SLC10A7: variants seen among roughly 807,000 people sequenced by gnomAD.
The protein encoded by SLC10A7 is sodium/bile acid cotransporter 7.
In SLC10A7, 29 loss-of-function variants were observed where a neutral mutation model predicts 43.2. The ratio of observed to expected loss-of-function variants is 0.67; its 90% CI spans 0.50 to 0.92. SLC10A7 has a LOEUF of 0.92. Among genes scored for constraint, SLC10A7 ranks in the 40% least tolerant of loss-of-function variants. The pLI is 0.00. For synonymous variants in SLC10A7, 152 were observed against 144.8 expected (o/e 1.05, Z -0.35); for missense variants, 295 against 403.2 (o/e 0.73, Z 2.30).
chr4:146,519,095 ATATATATATATATATAT>A (rs1560991559), intron 1 of SLC10A7, among the ~76,000 whole-genome samples: 19,975 of 109,888 alleles, frequency 0.18, 3,359 homozygotes, highest in East Asian at 0.52. Flanking sequence ...ATATATATAT[ATATATATATATATATAT>A]AATATAATAT....
At chr4:146,421,127 A>C (rs552324554) in intron 5 of SLC10A7, among the ~76,000 whole-genome samples, 2 of 152,226 alleles carry the variant, frequency 1.3e-5, no homozygotes, top group African/African-American at 4.8e-5. Context: ...ATGCTTGCTA[A>C]TGGGCCACTC....
chr4:146,313,516 CAGAT>C (rs1245544249), intron 6 of SLC10A7, among the ~76,000 whole-genome samples: 1 of 152,098 alleles, frequency 6.6e-6, no homozygotes, highest in Non-Finnish European at 1.5e-5. Context: ...CTGAGACAAT[CAGAT>C]GGCTAGTTTT....
chr4:146,378,346 TTAAA>T (rs1159597958), intron 5 of SLC10A7, among the ~76,000 whole-genome samples: 1 of 152,170 alleles, frequency 6.6e-6, no homozygotes. Flanking sequence ...TGTTCTGGTC[TTAAA>T]TAAAAAACAT....
At chr4:146,494,277 C>G (rs924832052) in intron 4 of SLC10A7, among the ~76,000 whole-genome samples, 3 of 152,216 alleles carry the variant, frequency 2.0e-5, no homozygotes, top group Admixed American at 2.0e-4. Context: ...AGGAATTAAG[C>G]ACATGCTTTG....
chr4:146,286,434 A>G (rs75681793), intron 9 of SLC10A7, among the ~76,000 whole-genome samples: 1 of 97,428 alleles, frequency 1.0e-5, no homozygotes, highest in Non-Finnish European at 2.1e-5. Context: ...AGTGGTGAGA[A>G]GGACTCTGGA....
At chr4:146,421,130 GGC>G (rs1241405432) in intron 5 of SLC10A7, among the ~76,000 whole-genome samples, 3 of 151,842 alleles carry the variant, frequency 2.0e-5, no homozygotes, top group Non-Finnish European at 4.4e-5. Context: ...CTTGCTAATG[GGC>G]CACTCTGCTA....
At chr4:146,328,594 A>G (rs1178735165) in intron 5 of SLC10A7, among the ~76,000 whole-genome samples, 1 of 152,140 alleles carries the variant, frequency 6.6e-6, no homozygotes, top group Admixed American at 6.5e-5. Flanking sequence ...AGGCCTGAGG[A>G]TAGGTCCACT....
intron 5 of SLC10A7, among the ~76,000 whole-genome samples, chr4:146,438,907 C>T (rs1730402958): frequency 1.3e-5 from 2 of 151,874 alleles, no homozygotes. Context: ...ATGTGAGTTG[C>T]CTGAATTTGA....
intron 5 of SLC10A7, among the ~76,000 whole-genome samples, chr4:146,374,847 G>A (rs183466915): frequency 4.7e-4 from 72 of 152,244 alleles, no homozygotes; most frequent in Admixed American, 4.6e-3. Flanking sequence ...AAAAAGTACT[G>A]TATTATCATT....
At chr4:146,409,078 T>C (rs1727944601) in intron 5 of SLC10A7, among the ~76,000 whole-genome samples, 1 of 152,164 alleles carries the variant, frequency 6.6e-6, no homozygotes, top group Admixed American at 6.5e-5. Flanking sequence ...TGAAAGGTAA[T>C]TTAACTTTGT....
chr4:146,332,622 C>G (rs1432738863), intron 5 of SLC10A7, among the ~76,000 whole-genome samples: 2 of 152,134 alleles, frequency 1.3e-5, no homozygotes, highest in East Asian at 3.8e-4. Context: ...TGAGGCCTCC[C>G]AGAAGCAGAG....
At chr4:146,259,285 A>G (rs1578723635) in intron 10 of SLC10A7, among the ~76,000 whole-genome samples, 1 of 152,218 alleles carries the variant, frequency 6.6e-6, no homozygotes, top group African/African-American at 2.4e-5. Context: ...AGAGTAAAAA[A>G]ATACGGTAAG....
chr4:146,403,409 T>C (rs779774652), intron 5 of SLC10A7, among the ~76,000 whole-genome samples: 5 of 152,160 alleles, frequency 3.3e-5, no homozygotes, highest in Admixed American at 6.5e-5. Context: ...TTTCTCCCAC[T>C]GAAAGTCCCA....
In SLC10A7 at chr4:146,256,286, C is replaced by T; in HGVS notation, c.*205G>A. The T allele has an allele frequency of 1.7e-6, 1 of 576,936 alleles. No individual in the cohort carries two copies. Among genetic ancestry groups the T allele is most frequent in the Non-Finnish European group, 3.1e-6 (1 of 326,232 alleles). The allele number at this position is 576,936 out of a possible 1,614,324, so 35.7% of individuals were successfully genotyped here. A position where few individuals can be genotyped will look rare whatever the true frequency, so the allele number is the denominator to read the frequency against. ...CAAAATTAACCCCCAAATATTGTAC[C>T]ACCCCTGGCAGTAATCAACAAAGCA... On this transcript the variant is annotated 3_prime_UTR_variant, in exon 12 of 12. Coordinates refer to ENST00000335472, the MANE Select transcript of SLC10A7 (RefSeq NM_001029998.6).
intron 4 of SLC10A7, among the ~76,000 whole-genome samples, chr4:146,500,485 C>T (rs1270352581): frequency 6.6e-6 from 1 of 152,192 alleles, no homozygotes; most frequent in Non-Finnish European, 1.5e-5. Flanking sequence ...CATATCCACA[C>T]ACTCTGCCTT....
At chr4:146,511,484 A>G (rs1009326163) in intron 2 of SLC10A7, among the ~76,000 whole-genome samples, 4 of 152,238 alleles carry the variant, frequency 2.6e-5, no homozygotes, top group African/African-American at 7.2e-5. Flanking sequence ...CCTCAGGGAC[A>G]TTAGCCAAAG....
chr4:146,272,428 T>A (rs955468176), intron 10 of SLC10A7, among the ~76,000 whole-genome samples: 1 of 152,150 alleles, frequency 6.6e-6, no homozygotes, highest in African/African-American at 2.4e-5. Context: ...CTAACTTTAA[T>A]TTCTGGCTGG....
intron 5 of SLC10A7, among the ~76,000 whole-genome samples, chr4:146,423,128 C>G (rs1244861153): frequency 3.9e-5 from 6 of 152,060 alleles, no homozygotes; most frequent in Non-Finnish European, 7.4e-5. Context: ...GAAAATTTCA[C>G]AAGCAAAAAT....
At chr4:146,383,129 T>C (rs1264888903) in intron 5 of SLC10A7, among the ~76,000 whole-genome samples, 2 of 152,160 alleles carry the variant, frequency 1.3e-5, no homozygotes, top group Non-Finnish European at 2.9e-5. Context: ...TTACCTTGAC[T>C]TCTTTAAATA....
Sources: gnomAD v4.1 joint callset for allele counts (sites outside exome capture counted in the v4.1 genomes callset) on GRCh38, gnomAD v4.1.1 for gene constraint, MANE v1.5 for transcripts, NCBI Gene and HGNC (gene_info 2026-07-23, HGNC 2026-07-21) for gene names.